Variants in MSN observed in about 807,000 individuals in gnomAD.
The protein encoded by MSN is epididymis luminal protein 70.
Under a neutral mutation model 48.0 loss-of-function variants are expected in MSN, and 2 were observed. That is an observed-to-expected ratio of 0.04 (90% CI 0.02 to 0.13). MSN has a LOEUF of 0.13. MSN is among the 10% of genes least tolerant of loss of function. The pLI is 1.00. For synonymous variants in MSN, 146 were observed against 166.9 expected (o/e 0.87, Z 0.97); for missense variants, 267 against 470.1 (o/e 0.57, Z 3.99).
At position 65,731,820 on chromosome X, in the gene MSN, C is replaced by T. The variant is rs2071625501; in HGVS notation, c.552-18C>T. On this transcript the variant is annotated intron_variant, in intron 5 of 12. Transcript: ENST00000360270. ...CTCACAAGCCCCACTTTGTGACCCC[C>T]AACTCTGTGTCATTTAGGGAGGATG... 1 of 1,203,696 alleles carries T rather than the reference C, an allele frequency of 8.3e-7. No homozygotes were observed. The highest frequency in any genetic ancestry group is 1.1e-6 in the Non-Finnish European group (1 of 891,630).
chrX:65,701,922 G>T (rs1353225584), intron 1 of MSN, among the ~76,000 whole-genome samples: 1 of 110,864 alleles, frequency 9.0e-6, no homozygotes, highest in African/African-American at 3.3e-5. Flanking sequence ...GGAGGCCAAG[G>T]TGCAGAGGGA....
chrX:65,676,097 T>C (rs952571612), intron 1 of MSN, among the ~76,000 whole-genome samples: 29 of 112,624 alleles, frequency 2.6e-4, no homozygotes, highest in Admixed American at 2.5e-3. Flanking sequence ...TCATTGACTT[T>C]GCTATAAAAT....
chrX:65,632,270 C>T (rs970501880), intron 1 of MSN, among the ~76,000 whole-genome samples: 8 of 111,588 alleles, frequency 7.2e-5, no homozygotes, highest in African/African-American at 2.0e-4. Flanking sequence ...CCCCTTTTAC[C>T]GTCTCTTCCT....
intron 1 of MSN, among the ~76,000 whole-genome samples, chrX:65,627,769 C>G (rs2070519905): frequency 8.9e-6 from 1 of 111,950 alleles, no homozygotes; most frequent in Admixed American, 9.5e-5. Context: ...AGTCCAAAGT[C>G]TCACCTGAGA....
chrX:65,692,128 C>T (rs1231467294), intron 1 of MSN, among the ~76,000 whole-genome samples: 1 of 112,514 alleles, frequency 8.9e-6, no homozygotes, highest in African/African-American at 3.2e-5. Context: ...ACACATGTTC[C>T]TTTGCTTCTT....
chrX:65,733,387 C>T (rs1379210548), intron 7 of MSN, 107 bp downstream of exon 7: 3 of 599,284 alleles, frequency 5.0e-6, no homozygotes, highest in East Asian at 6.8e-5. Context: ...TTTGTGTGTA[C>T]GTGTGTGCGC....
intron 1 of MSN, among the ~76,000 whole-genome samples, chrX:65,696,529 TGTC>T (rs1324352524): frequency 2.7e-5 from 3 of 111,198 alleles, no homozygotes; most frequent in Non-Finnish European, 5.7e-5. Context: ...TCTTTACTGT[TGTC>T]TGAAAAAACT....
chrX:65,651,142 C>T (rs1308168124), intron 1 of MSN, among the ~76,000 whole-genome samples: 5 of 109,919 alleles, frequency 4.5e-5, no homozygotes, highest in East Asian at 2.8e-4. Context: ...AATTAGAGGC[C>T]GGGTGCAGTG....
chrX:65,625,786 A>G (rs983808707), intron 1 of MSN: 7 of 109,231 alleles, frequency 6.4e-5, no homozygotes, highest in Non-Finnish European at 1.3e-4. Flanking sequence ...GATATGGAAG[A>G]ACTTACTTCT....
At chrX:65,589,214 C>T (rs2070124093) in intron 1 of MSN, 2 of 119,259 alleles carry the variant, frequency 1.7e-5, no homozygotes, top group South Asian at 4.1e-4. Flanking sequence ...CCCACCCCAC[C>T]CCAGTCCCAA....
chrX:65,615,309 A>C (rs1416039331), intron 1 of MSN, among the ~76,000 whole-genome samples: 1 of 107,824 alleles, frequency 9.3e-6, no homozygotes, highest in African/African-American at 3.6e-5. Context: ...GAACTAGTTT[A>C]CAGTCCCACC....
At chrX:65,639,842 G>A (rs2070635053) in intron 1 of MSN, among the ~76,000 whole-genome samples, 2 of 111,902 alleles carry the variant, frequency 1.8e-5, no homozygotes, top group Admixed American at 9.6e-5. Flanking sequence ...AGGATTCTGA[G>A]AGGGAAGGTA....
At chrX:65,672,614 C>G (rs1423876484) in intron 1 of MSN, among the ~76,000 whole-genome samples, 1 of 111,814 alleles carries the variant, frequency 8.9e-6, no homozygotes, top group African/African-American at 3.3e-5. Flanking sequence ...AAATGGAAAG[C>G]ATCACTGAAC....
chrX:65,740,850 C>T lies in MSN; in HGVS notation c.*957C>T. The T allele has an allele frequency of 5.8e-6, 1 of 172,562 alleles. No homozygotes were observed. Among genetic ancestry groups the T allele is most frequent in the Non-Finnish European group, 1.1e-5 (1 of 89,700 alleles). 14.2% of individuals were successfully genotyped at this position (172,562 alleles called of 1,213,427 possible). On this transcript the variant is annotated 3_prime_UTR_variant, in exon 13 of 13. Transcript: ENST00000360270. ...GTGAAAAGAGAGGATATGTTCACAC[C>T]TAGCGTCAGTATTTTCCCTGCTAGG... is the stretch of plus-strand genomic sequence containing the variant.
chrX:65,624,147 C>T lies in MSN; in HGVS notation c.-22+35535C>T, dbSNP rs760934108. ...AGGCTGGAGTGCAATGGCTTAATCT[C>T]GGCTCACTGCAACCTCCGCCTCCCG... On this transcript the variant is annotated intron_variant, in intron 1 of 3. Transcript: ENST00000609672. 1.7e-3 allele frequency among the ~76,000 whole-genome samples: 191 copies of T among 109,958 alleles called. 4 individuals are homozygous for T. Among genetic ancestry groups the T allele is most frequent in the Middle Eastern group, 4.7e-3 (1 of 213 alleles).
At chrX:65,626,139 A>T (rs1370421672) in intron 1 of MSN, among the ~76,000 whole-genome samples, 1 of 109,924 alleles carries the variant, frequency 9.1e-6, no homozygotes, top group Non-Finnish European at 1.9e-5. Context: ...TATTTTTAGT[A>T]GAGACGGGGT....
At chrX:65,633,306 G>A (rs1291416118) in intron 1 of MSN, among the ~76,000 whole-genome samples, 1 of 111,624 alleles carries the variant, frequency 9.0e-6, no homozygotes, top group Non-Finnish European at 1.9e-5. Context: ...TGGAAAGGAG[G>A]TGACTTCTTC....
At chrX:65,708,937 C>T (rs1443758272) in intron 1 of MSN, among the ~76,000 whole-genome samples, 1 of 111,989 alleles carries the variant, frequency 8.9e-6, no homozygotes, top group African/African-American at 3.2e-5. Flanking sequence ...CCCATCTCAG[C>T]CACCCAAAGT....
chrX:65,695,955 G>A (rs1320609546), intron 1 of MSN, among the ~76,000 whole-genome samples: 1 of 106,780 alleles, frequency 9.4e-6, no homozygotes, highest in Non-Finnish European at 1.9e-5. Flanking sequence ...AGAATACCAT[G>A]AGGTTCCTTT....
Sources: gnomAD v4.1 joint callset for allele counts (sites outside exome capture counted in the v4.1 genomes callset) on GRCh38, gnomAD v4.1.1 for gene constraint, MANE v1.5 for transcripts, NCBI Gene and HGNC (gene_info 2026-07-23, HGNC 2026-07-21) for gene names.